The following YAP1 variants were observed in gnomAD, a reference collection of about 807,000 sequenced individuals.
The protein encoded by YAP1 is transcriptional coactivator YAP1.
Under a neutral mutation model 56.9 loss-of-function variants are expected in YAP1, and 5 were observed. The observed-to-expected ratio is 0.09, with a 90% CI of 0.05 to 0.18. The LOEUF is 0.18. YAP1 is among the 10% of genes least tolerant of loss of function. The pLI, the probability that YAP1 is intolerant of heterozygous loss-of-function variation, is 1.00. For synonymous variants in YAP1, 265 were observed against 248.1 expected (o/e 1.07, Z -0.64); for missense variants, 539 against 651.8 (o/e 0.83, Z 1.88).
At chr11:102,114,097 G>T (rs754820722) in intron 1 of YAP1, 47 bp from the exon 2 acceptor site, 1 of 1,549,728 alleles carries the variant, frequency 6.5e-7, no homozygotes, top group South Asian at 1.2e-5. Context: ...AAGGGACTCA[G>T]TTGTGTTTTT....
intron 6 of YAP1, among the ~76,000 whole-genome samples, chr11:102,218,941 A>T (rs571874131): frequency 7.7e-4 from 117 of 152,342 alleles, no homozygotes; most frequent in African/African-American, 2.7e-3. Context: ...TCTGCACATG[A>T]TACTAGTTTT....
intron 2 of YAP1, among the ~76,000 whole-genome samples, chr11:102,143,696 A>C (rs994520979): frequency 6.6e-6 from 1 of 152,256 alleles, no homozygotes; most frequent in African/African-American, 2.4e-5. Flanking sequence ...GGAAGGCTAC[A>C]TAGCCATCTT....
chr11:102,110,937 C>A lies in YAP1; in HGVS notation c.89C>A (p.Pro30Gln). Reference protein sequence around the residue: ...PSQPPQGQGPPSGPGQPAPAA... With the variant: ...PSQPPQGQGPQSGPGQPAPAA... ...CAGCCCCCGCAGGGGCAGGGCCCGC[C>A]GTCCGGACCCGGGCAACCGGCACCC... is the stretch of plus-strand genomic sequence containing the variant. Residue 30 changes from proline to glutamine, a missense_variant, in exon 1 of 9, where the codon CCG becomes CAG. Pro to Gln is a moderately conservative substitution (Grantham distance 76). Coordinates refer to ENST00000282441, the MANE Select transcript of YAP1 (RefSeq NM_001130145.3). 6.8e-7 allele frequency: 1 copy of A among 1,467,202 alleles called. No individual in the cohort carries two copies. The highest frequency in any genetic ancestry group is 3.0e-5 in the East Asian group (1 of 33,524). 90.9% of individuals were successfully genotyped at this position (1,467,202 alleles called of 1,614,324 possible). A position where few individuals can be genotyped will look rare whatever the true frequency, so the allele number is the denominator to read the frequency against.
chr11:102,148,911 A>G (rs1005539137), intron 2 of YAP1, among the ~76,000 whole-genome samples: 1 of 152,168 alleles, frequency 6.6e-6, no homozygotes, highest in African/African-American at 2.4e-5. Context: ...TAATCTTTTA[A>G]TATTGCCAAA....
At chr11:102,180,617 G>A (rs1947541674) in intron 3 of YAP1, among the ~76,000 whole-genome samples, 1 of 146,772 alleles carries the variant, frequency 6.8e-6, no homozygotes, top group Non-Finnish European at 1.5e-5. Context: ...GGGAGGTGGA[G>A]CTTGCAGTGA....
chr11:102,221,960 T>G (rs180983450), intron 6 of YAP1, among the ~76,000 whole-genome samples: 69 of 152,288 alleles, frequency 4.5e-4, no homozygotes, highest in Non-Finnish European at 1.2e-4. Flanking sequence ...TTTTTTTTTT[T>G]TTACCCCATT....
At chr11:102,221,567 C>G (rs568996575) in intron 6 of YAP1, among the ~76,000 whole-genome samples, 179 of 151,794 alleles carry the variant, frequency 1.2e-3, no homozygotes, top group African/African-American at 4.1e-3. Flanking sequence ...TACAAAAATA[C>G]AAAAAATTAG....
chr11:102,123,647 T>TTTTTTTTTTTTTTTTTTC (rs1565429580), intron 2 of YAP1, among the ~76,000 whole-genome samples: 4 of 125,318 alleles, frequency 3.2e-5, no homozygotes, highest in Non-Finnish European at 6.8e-5. Context: ...TTTTTTTTTC[T>TTTTTTTTTTTTTTTTTTC]TTTTTTTTTC....
chr11:102,162,599 A>T, intron 3 of YAP1, 28 bp downstream of exon 3: 1 of 1,591,012 alleles, frequency 6.3e-7, no homozygotes, highest in Non-Finnish European at 8.6e-7. Context: ...ATTACAGCAC[A>T]TGGAGTAATG....
chr11:102,161,168 C>T (rs906352320), intron 2 of YAP1, among the ~76,000 whole-genome samples: 1 of 144,322 alleles, frequency 6.9e-6, no homozygotes, highest in African/African-American at 2.6e-5. Flanking sequence ...TCTCGCCATT[C>T]TCCTGCCTCA....
At chr11:102,117,845 T>G (rs1032304718) in intron 2 of YAP1, among the ~76,000 whole-genome samples, 1 of 152,256 alleles carries the variant, frequency 6.6e-6, no homozygotes, top group Admixed American at 6.5e-5. Context: ...GAGCTTTCAT[T>G]TTAAAAGAAT....
chr11:102,212,324 G>T (rs1284212813), intron 6 of YAP1, among the ~76,000 whole-genome samples: 1 of 152,084 alleles, frequency 6.6e-6, no homozygotes, highest in African/African-American at 2.4e-5. Flanking sequence ...ACTTCCTATA[G>T]GATTTAACAT....
At chr11:102,160,882 C>T (rs1326674292) in intron 2 of YAP1, among the ~76,000 whole-genome samples, 2 of 152,060 alleles carry the variant, frequency 1.3e-5, no homozygotes, top group Middle Eastern at 3.2e-3. Context: ...TCTGTGTTCA[C>T]ATTTAAACAC....
At chr11:102,211,880 T>G (rs1319975333) in intron 6 of YAP1, among the ~76,000 whole-genome samples, 2 of 152,112 alleles carry the variant, frequency 1.3e-5, no homozygotes, top group Non-Finnish European at 2.9e-5. Context: ...ATTTTTTGTG[T>G]TTTTAGTAGA....
intron 5 of YAP1, among the ~76,000 whole-genome samples, chr11:102,207,898 T>C (rs1949202909): frequency 6.6e-6 from 1 of 152,174 alleles, no homozygotes; most frequent in Non-Finnish European, 1.5e-5. Flanking sequence ...AATATGGTTC[T>C]TTGACAAACT....
intron 6 of YAP1, among the ~76,000 whole-genome samples, chr11:102,213,463 C>T (rs1033226229): frequency 2.0e-5 from 3 of 151,496 alleles, no homozygotes; most frequent in South Asian, 2.1e-4. Context: ...TCCAGCCTGG[C>T]GAAAAGAGCA....
chr11:102,159,623 T>C (rs1332402379), intron 2 of YAP1, among the ~76,000 whole-genome samples: 1 of 152,226 alleles, frequency 6.6e-6, no homozygotes, highest in Non-Finnish European at 1.5e-5. Context: ...TTTTGAGGGC[T>C]TTTTGCGTAC....
At chr11:102,218,899 A>G (rs1481107781) in intron 6 of YAP1, among the ~76,000 whole-genome samples, 1 of 152,252 alleles carries the variant, frequency 6.6e-6, no homozygotes, top group Admixed American at 6.5e-5. Flanking sequence ...ATAGTGGCCA[A>G]ATTCAAAGCA....
At chr11:102,135,445 A>C (rs1187998092) in intron 2 of YAP1, among the ~76,000 whole-genome samples, 1 of 152,220 alleles carries the variant, frequency 6.6e-6, no homozygotes, top group African/African-American at 2.4e-5. Context: ...CTTCACTCAT[A>C]GGTCTTGCTT....
Sources: allele counts gnomAD v4.1 joint callset (sites outside exome capture counted in the v4.1 genomes callset), GRCh38; gene constraint gnomAD v4.1.1; transcripts MANE v1.5; gene names NCBI Gene and HGNC (gene_info 2026-07-23, HGNC 2026-07-21).